EPHA6: variants seen among roughly 807,000 people sequenced by gnomAD.
EPHA6 encodes the protein EPH receptor A6, also known as ephrin type-A receptor 6.
A neutral mutation model predicts 112.0 loss-of-function variants in EPHA6; 50 were observed. The ratio of observed to expected loss-of-function variants is 0.45; its 90% CI spans 0.36 to 0.56. The LOEUF is 0.56. Ranked by LOEUF, EPHA6 falls within the 20% of genes least tolerant of loss-of-function variation. EPHA6 has a pLI of 0.00. For synonymous variants in EPHA6, 529 were observed against 490.7 expected, an observed-to-expected ratio of 1.08 and a Z score of -1.03; for missense variants, 1,280 against 1,417.4, an observed-to-expected ratio of 0.90 and a Z score of 1.56.
At chr3:96,817,065 A>G (rs1299862458) in intron 1 of EPHA6, among the ~76,000 whole-genome samples, 2 of 152,056 alleles carry the variant, frequency 1.3e-5, no homozygotes, top group African/African-American at 2.4e-5. Flanking sequence ...TTGAATTTGT[A>G]TTGATATACC....
At position 97,251,348 on chromosome 3, in the gene EPHA6, G is replaced by A. The variant is rs564368365; in HGVS notation, c.1606+7061G>A. Among the ~76,000 whole-genome samples the A allele has an allele frequency of 3.6e-4, 55 of 152,006 alleles. No homozygotes were observed. The South Asian group carries it at 0.011, about 31-fold the overall frequency. ...GATCGAGACCGTCCTGGCTAACACA[G>A]TGAAACCCCGTCTCTACTAAAAATA... On this transcript the variant is annotated intron_variant, in intron 5 of 17. Coordinates refer to ENST00000389672, the MANE Select transcript of EPHA6 (RefSeq NM_001080448.3).
intron 16 of EPHA6, among the ~76,000 whole-genome samples, chr3:97,737,614 G>C (rs1020730733): frequency 6.6e-6 from 1 of 152,036 alleles, no homozygotes; most frequent in Non-Finnish European, 1.5e-5. Context: ...AGAGGGACAA[G>C]TTTTTGGAAT....
intron 6 of EPHA6, among the ~76,000 whole-genome samples, chr3:97,415,874 A>T (rs1461525999): frequency 6.6e-6 from 1 of 152,082 alleles, no homozygotes; most frequent in Non-Finnish European, 1.5e-5. Context: ...TTGTTTGTTG[A>T]TTTAGTCAAT....
intron 3 of EPHA6, among the ~76,000 whole-genome samples, chr3:97,126,618 C>T (rs1248491555): frequency 6.6e-6 from 1 of 151,892 alleles, no homozygotes; most frequent in Non-Finnish European, 1.5e-5. Context: ...AATTAATTCC[C>T]ATTACACTAA....
chr3:97,548,119 T>A (rs558848132), intron 11 of EPHA6, among the ~76,000 whole-genome samples: 1 of 152,306 alleles, frequency 6.6e-6, no homozygotes, highest in Non-Finnish European at 1.5e-5. Context: ...ACCCGGTTCC[T>A]CAGTTGGAAA....
Position 97,105,718 on chromosome 3 carries a change from G to A in EPHA6, c.1114+117725G>A, listed in dbSNP as rs184564475. Among the ~76,000 whole-genome samples the A allele has an allele frequency of 4.3e-4, 66 of 152,216 alleles. 1 individual carries two copies. The highest frequency in any genetic ancestry group is 7.5e-4 in the Non-Finnish European group (51 of 68,016). On this transcript the variant is annotated intron_variant, in intron 3 of 17. Coordinates refer to ENST00000389672, the MANE Select transcript of EPHA6 (RefSeq NM_001080448.3). ...TCCTGAATATTTTCATTAATTCTCT[G>A]CCATGGTGATCTTTCTAAATACTGC...
chr3:97,164,104 C>G (rs1396376516), intron 3 of EPHA6, among the ~76,000 whole-genome samples: 1 of 152,148 alleles, frequency 6.6e-6, no homozygotes, highest in Non-Finnish European at 1.5e-5. Flanking sequence ...ACTAGCCAAT[C>G]TCATTATATT....
intron 5 of EPHA6, among the ~76,000 whole-genome samples, chr3:97,335,815 A>G (rs547251943): frequency 2.7e-4 from 41 of 152,204 alleles, no homozygotes; most frequent in Middle Eastern, 3.4e-3. Context: ...AGTCTCCCCA[A>G]GAATTCAGGG....
At chr3:96,934,737 G>C (rs1393968948) in intron 2 of EPHA6, among the ~76,000 whole-genome samples, 1 of 151,162 alleles carries the variant, frequency 6.6e-6, no homozygotes, top group Non-Finnish European at 1.5e-5. Flanking sequence ...AATTAGAAAG[G>C]CCAATGAAAT....
At chr3:96,902,945 G>A (rs2038700858) in intron 2 of EPHA6, among the ~76,000 whole-genome samples, 1 of 152,156 alleles carries the variant, frequency 6.6e-6, no homozygotes, top group Non-Finnish European at 1.5e-5. Flanking sequence ...GTCTGCCTCT[G>A]TGGTGCTCAC....
chr3:97,370,656 A>G (rs1267837633), intron 5 of EPHA6, among the ~76,000 whole-genome samples: 1 of 152,136 alleles, frequency 6.6e-6, no homozygotes, highest in Non-Finnish European at 1.5e-5. Flanking sequence ...TTTTTATTTT[A>G]TTCTATTTTA....
At chr3:96,830,141 A>G (rs1431976944) in intron 1 of EPHA6, among the ~76,000 whole-genome samples, 2 of 152,124 alleles carry the variant, frequency 1.3e-5, no homozygotes, top group Admixed American at 1.3e-4. Flanking sequence ...ACTATAATTC[A>G]GGTCATATTA....
chr3:97,462,263 C>T (rs2090914835), intron 7 of EPHA6, among the ~76,000 whole-genome samples: 1 of 152,060 alleles, frequency 6.6e-6, no homozygotes, highest in Non-Finnish European at 1.5e-5. Context: ...ATGGAGAACA[C>T]ATAAAACATG....
intron 3 of EPHA6, among the ~76,000 whole-genome samples, chr3:97,177,943 A>G (rs2076882842): frequency 6.6e-6 from 1 of 151,966 alleles, no homozygotes; most frequent in African/African-American, 2.4e-5. Flanking sequence ...TGGTCCATTT[A>G]CATTCAATGT....
chr3:97,581,766 C>T (rs2093440710), intron 11 of EPHA6, among the ~76,000 whole-genome samples: 1 of 152,244 alleles, frequency 6.6e-6, no homozygotes, highest in Non-Finnish European at 1.5e-5. Context: ...CACCTGTGCT[C>T]TTCCCATTGC....
At chr3:97,398,848 A>G (rs2086832589) in intron 5 of EPHA6, among the ~76,000 whole-genome samples, 1 of 151,486 alleles carries the variant, frequency 6.6e-6, no homozygotes, top group Non-Finnish European at 1.5e-5. Context: ...TAAAAATGGT[A>G]TATATTTATA....
rs141215746 is a variant in EPHA6 at position 97,746,551 on chromosome 3, A to G, written c.3129-872A>G. Reference sequence around the variant, plus strand: ...ATTAATTCTGTTTTTATTCTCTCTGACTTAAGCTATTATATATAACTATTT... The same window carrying G: ...ATTAATTCTGTTTTTATTCTCTCTGGCTTAAGCTATTATATATAACTATTT... On this transcript the variant is annotated intron_variant, in intron 16 of 17. Transcript: ENST00000389672. Among the ~76,000 whole-genome samples the G allele has an allele frequency of 2.0e-5, 3 of 151,936 alleles. No homozygotes were observed. The East Asian group carries it at 5.8e-4, about 29-fold the overall frequency.
intron 2 of EPHA6, among the ~76,000 whole-genome samples, chr3:96,971,672 G>A (rs1171469599): frequency 2.0e-5 from 3 of 152,136 alleles, no homozygotes; most frequent in South Asian, 2.1e-4. Flanking sequence ...TATTAGATAC[G>A]TATGTTTAAA....
chr3:96,941,134 A>G (rs987898418), intron 2 of EPHA6, among the ~76,000 whole-genome samples: 2 of 152,012 alleles, frequency 1.3e-5, no homozygotes, highest in African/African-American at 4.8e-5. Flanking sequence ...TCCTGAATCT[A>G]AATGTTGGCC....
Sources: allele counts gnomAD v4.1 joint callset (sites outside exome capture counted in the v4.1 genomes callset), GRCh38; gene constraint gnomAD v4.1.1; transcripts MANE v1.5; gene names NCBI Gene and HGNC (gene_info 2026-07-23, HGNC 2026-07-21).